The following TMC1 variants were observed in gnomAD, a reference collection of about 807,000 sequenced individuals.
TMC1 encodes transmembrane channel like 1, also known as transmembrane channel-like protein 1.
TMC1 carries 84 observed loss-of-function variants against 105.8 expected under a neutral mutation model. That is an observed-to-expected ratio of 0.79 (90% CI 0.67 to 0.95). The LOEUF (loss-of-function observed/expected upper bound fraction) is 0.95, where lower values mean the gene tolerates loss of function less well. TMC1 is among the 40% of genes least tolerant of loss of function. The pLI is 0.00. For synonymous variants in TMC1, 315 were observed against 311.5 expected (o/e 1.01, Z -0.12); for missense variants, 817 against 914.1 (o/e 0.89, Z 1.37).
chr9:72,560,561 C>T (rs1231833762), intron 1 of TMC1, among the ~76,000 whole-genome samples: 6 of 152,050 alleles, frequency 3.9e-5, no homozygotes, highest in South Asian at 4.2e-4. Context: ...TGCAATGACG[C>T]GATCTCAGCT....
chr9:72,800,657 T>A (rs918162326), intron 17 of TMC1, among the ~76,000 whole-genome samples: 25 of 149,202 alleles, frequency 1.7e-4, no homozygotes, highest in East Asian at 7.8e-4. Context: ...TTTTTTTTTT[T>A]AAACCTGTCT....
chr9:72,554,735 G>A (rs567460265), intron 1 of TMC1, among the ~76,000 whole-genome samples: 23 of 152,284 alleles, frequency 1.5e-4, no homozygotes, highest in African/African-American at 4.8e-4. Context: ...GGGTTGGATC[G>A]TGTGATTTAT....
At chr9:72,530,060 A>G (rs546812731) in intron 1 of TMC1, among the ~76,000 whole-genome samples, 1 of 152,282 alleles carries the variant, frequency 6.6e-6, no homozygotes, top group South Asian at 2.1e-4. Context: ...GGAATAAAGG[A>G]ATATCATTAT....
chr9:72,658,207 T>C (rs763986393), intron 5 of TMC1, among the ~76,000 whole-genome samples: 11 of 151,876 alleles, frequency 7.2e-5, no homozygotes, highest in Non-Finnish European at 1.6e-4. Flanking sequence ...CTTAGAAAAA[T>C]TGAAAGGTAG....
At chr9:72,629,863 C>T (rs1218564691) in intron 4 of TMC1, among the ~76,000 whole-genome samples, 1 of 151,778 alleles carries the variant, frequency 6.6e-6, no homozygotes, top group Non-Finnish European at 1.5e-5. Flanking sequence ...GGGTATCTGT[C>T]TTTTTATTTT....
chr9:72,560,672 G>A (rs1256366929), intron 1 of TMC1, among the ~76,000 whole-genome samples: 1 of 151,876 alleles, frequency 6.6e-6, no homozygotes, highest in African/African-American at 2.4e-5. Context: ...CTAACTTTTT[G>A]TATTTTTAGT....
intron 1 of TMC1, among the ~76,000 whole-genome samples, chr9:72,574,334 G>A (rs1824338275): frequency 6.6e-6 from 1 of 152,126 alleles, no homozygotes; most frequent in South Asian, 2.1e-4. Flanking sequence ...CATTTAATTG[G>A]GCGCCCAAGC....
chr9:72,762,391 TA>T (rs1314945773), intron 12 of TMC1, among the ~76,000 whole-genome samples: 1 of 152,164 alleles, frequency 6.6e-6, no homozygotes, highest in East Asian at 1.9e-4. Context: ...GCCCAGCTGC[TA>T]CCTTGAAAAT....
intron 3 of TMC1, among the ~76,000 whole-genome samples, chr9:72,617,287 G>C (rs370685622): frequency 2.0e-5 from 3 of 152,008 alleles, no homozygotes; most frequent in Non-Finnish European, 4.4e-5. Flanking sequence ...TCAGCCTCCT[G>C]AGTAGCTTGG....
In TMC1 at chr9:72,791,938, T is replaced by C. The variant is rs1828275727; in HGVS notation, c.1277T>C (p.Leu426Ser). The C allele has an allele frequency of 1.9e-6, 3 of 1,613,756 alleles. No homozygotes were observed. Among genetic ancestry groups the C allele is most frequent in the Admixed American group, 1.7e-5 (1 of 60,008 alleles). The change falls in exon 16 of 24, where the codon TTA becomes TCA. Residue 426 changes from leucine to serine, a missense_variant. By Grantham distance (145) the Leu-to-Ser change is moderately radical. Transcript: ENST00000297784. ...ATGTTCTGTCCAACATTGTTTGACT[T>C]ATTTGCTGAATTAGAAGACTACCAT... is the stretch of plus-strand genomic sequence containing the variant. ...LGMFCPTLFD[L>S]FAELEDYHPL...
intron 17 of TMC1, among the ~76,000 whole-genome samples, chr9:72,802,850 T>C (rs1049645202): frequency 6.6e-6 from 1 of 152,036 alleles, no homozygotes; most frequent in African/African-American, 2.4e-5. Flanking sequence ...TAAACCACCA[T>C]TGACATTCTT....
intron 4 of TMC1, among the ~76,000 whole-genome samples, chr9:72,645,919 T>C (rs909981712): frequency 5.9e-5 from 9 of 152,216 alleles, no homozygotes; most frequent in African/African-American, 2.2e-4. Context: ...GCCGGTATCA[T>C]TGCTTACAAA....
chr9:72,835,915 GTTTTTTTTT>G, intron 23 of TMC1, 27 bp from the exon 24 acceptor site: 1 of 1,314,672 alleles, frequency 7.6e-7, no homozygotes, highest in Non-Finnish European at 1.0e-6. Flanking sequence ...CTCTCTCCTT[GTTTTTTTTT>G]TTTTTTTTTT....
chr9:72,763,085 CTTTTTTTT>C (rs148498655), intron 12 of TMC1, among the ~76,000 whole-genome samples: 1 of 109,514 alleles, frequency 9.1e-6, no homozygotes, highest in African/African-American at 3.5e-5. Context: ...CTAGCGATGC[CTTTTTTTT>C]TTTTTTTTTT....
intron 5 of TMC1, among the ~76,000 whole-genome samples, chr9:72,683,757 A>ATATATATATATATG (rs1176048623): frequency 3.3e-5 from 4 of 119,820 alleles, no homozygotes; most frequent in Non-Finnish European, 5.2e-5. Context: ...ATATATATAT[A>ATATATATATATATG]TATATATATA....
intron 4 of TMC1, among the ~76,000 whole-genome samples, chr9:72,643,432 T>C (rs1825658999): frequency 6.6e-6 from 1 of 152,222 alleles, no homozygotes; most frequent in African/African-American, 2.4e-5. Flanking sequence ...ATCAACACTT[T>C]CAAGGTAATA....
intron 2 of TMC1, among the ~76,000 whole-genome samples, chr9:72,593,723 A>G (rs1000831458): frequency 7.2e-5 from 11 of 152,002 alleles, no homozygotes; most frequent in East Asian, 1.9e-4. Flanking sequence ...TAAAAAAAAA[A>G]AAGAAGAAGA....
chr9:72,671,453 T>G (rs1324607957), intron 5 of TMC1, among the ~76,000 whole-genome samples: 2 of 152,184 alleles, frequency 1.3e-5, no homozygotes, highest in Non-Finnish European at 2.9e-5. Context: ...GTAGTATATC[T>G]TGATACCCAT....
In TMC1 at chr9:72,734,434, T is replaced by C. The variant is rs1025385896; in HGVS notation, c.363-5685T>C. 2.6e-5 allele frequency among the ~76,000 whole-genome samples: 4 copies of C among 152,180 alleles called. 1 individual carries two copies. The highest frequency in any genetic ancestry group is 5.9e-5 in the Non-Finnish European group (4 of 68,020). On this transcript the variant is annotated intron_variant, in intron 8 of 23. Coordinates refer to ENST00000297784, the MANE Select transcript of TMC1 (RefSeq NM_138691.3). ...AACTGGGCATCTTAACCATTCCAGC[T>C]ACTGCCATCAGCATTTGCCTTAGGA... is the stretch of plus-strand genomic sequence containing the variant.
Sources: allele counts gnomAD v4.1 joint callset (sites outside exome capture counted in the v4.1 genomes callset), GRCh38; gene constraint gnomAD v4.1.1; transcripts MANE v1.5; gene names NCBI Gene and HGNC (gene_info 2026-07-23, HGNC 2026-07-21).